The following ENPP6 variants were observed in gnomAD, a reference collection of about 807,000 sequenced individuals.
The protein encoded by ENPP6 is ectonucleotide pyrophosphatase/phosphodiesterase 6, also known as glycerophosphocholine cholinephosphodiesterase ENPP6.
ENPP6 carries 32 observed loss-of-function variants against 42.0 expected under a neutral mutation model. That is an observed-to-expected ratio of 0.76 (90% CI 0.58 to 1.02). The LOEUF is 1.02. Ranked by LOEUF, ENPP6 falls within the 50% of genes least tolerant of loss-of-function variation. The pLI is 0.00. For missense variants in ENPP6, 552 were observed against 566.8 expected (o/e 0.97, Z 0.27); for synonymous variants, 213 against 216.0 (o/e 0.99, Z 0.12).
At chr4:184,206,732 T>G (rs898385632) in intron 1 of ENPP6, among the ~76,000 whole-genome samples, 6 of 152,214 alleles carry the variant, frequency 3.9e-5, no homozygotes, top group Admixed American at 6.5e-5. Context: ...GAACATGATA[T>G]CTAGTAAGAA....
intron 1 of ENPP6, among the ~76,000 whole-genome samples, chr4:184,205,664 C>T (rs963672801): frequency 2.0e-5 from 3 of 152,158 alleles, no homozygotes; most frequent in Non-Finnish European, 2.9e-5. Context: ...GCACTGCTTT[C>T]AAAACAGGGC....
At chr4:184,092,026 C>T (rs542243275) in intron 7 of ENPP6, among the ~76,000 whole-genome samples, 1 of 152,328 alleles carries the variant, frequency 6.6e-6, no homozygotes, top group Non-Finnish European at 1.5e-5. Flanking sequence ...GCAGAGAGCA[C>T]AGCAGAGCCT....
Position 184,153,727 on chromosome 4 carries a change from T to TG in ENPP6, c.247dup (p.His83ProfsTer3). ...CCCGATCATCTGATGGACTTCACAA[T>TG]GGCGGCCTATGTCAATGAGAACACA... On this transcript the variant is annotated frameshift_variant, in exon 2 of 8. Coordinates refer to ENST00000296741, the MANE Select transcript of ENPP6 (RefSeq NM_153343.4). LOFTEE classifies it high-confidence loss of function. 1 of 1,613,918 alleles carries TG rather than the reference T, an allele frequency of 6.2e-7. No homozygotes were observed. The highest frequency in any genetic ancestry group is 1.1e-5 in the South Asian group (1 of 91,020).
intron 6 of ENPP6, among the ~76,000 whole-genome samples, chr4:184,098,163 G>C (rs1446484669): frequency 1.3e-5 from 2 of 152,208 alleles, no homozygotes; most frequent in Non-Finnish European, 2.9e-5. Context: ...GTCCTAGTGA[G>C]TGATCAAACC....
intron 1 of ENPP6, chr4:184,203,863 T>C (rs568169455): frequency 6.6e-6 from 1 of 152,368 alleles, no homozygotes; most frequent in South Asian, 2.1e-4. Flanking sequence ...AAAAAAACCC[T>C]GCATTTTTCC....
intron 6 of ENPP6, among the ~76,000 whole-genome samples, chr4:184,105,711 A>G (rs147577817): frequency 3.5e-4 from 53 of 152,364 alleles, no homozygotes; most frequent in African/African-American, 1.2e-3. Context: ...TCTGCAAAAT[A>G]TAAAATAACT....
intron 6 of ENPP6, among the ~76,000 whole-genome samples, chr4:184,108,139 C>G (rs1736134523): frequency 6.6e-6 from 1 of 152,076 alleles, no homozygotes; most frequent in African/African-American, 2.4e-5. Flanking sequence ...CGGCTACAGG[C>G]AGAAAGGAGT....
intron 6 of ENPP6, among the ~76,000 whole-genome samples, chr4:184,107,945 GTCTTTA>G (rs1450305741): frequency 6.6e-6 from 1 of 151,294 alleles, no homozygotes; most frequent in Non-Finnish European, 1.5e-5. Flanking sequence ...ATCTGTTTCT[GTCTTTA>G]TCTTTTTCAG....
chr4:184,142,259 C>T (rs773647510), intron 2 of ENPP6, among the ~76,000 whole-genome samples: 24 of 152,254 alleles, frequency 1.6e-4, no homozygotes, highest in Non-Finnish European at 2.9e-4. Flanking sequence ...CCAACTTTGA[C>T]ACATCTTGTA....
chr4:184,154,760 A>G (rs1164343085), intron 1 of ENPP6, among the ~76,000 whole-genome samples: 3 of 152,240 alleles, frequency 2.0e-5, no homozygotes, highest in Non-Finnish European at 4.4e-5. Flanking sequence ...CCCAGCAAAA[A>G]TGGTTTTCAC....
chr4:184,158,815 CT>C (rs1737215956), intron 1 of ENPP6, among the ~76,000 whole-genome samples: 1 of 152,108 alleles, frequency 6.6e-6, no homozygotes, highest in African/African-American at 2.4e-5. Context: ...CAACTGCATC[CT>C]TTTTTTCACA....
chr4:184,185,058 C>A (rs546633845), intron 1 of ENPP6, among the ~76,000 whole-genome samples: 1 of 152,066 alleles, frequency 6.6e-6, no homozygotes, highest in Non-Finnish European at 1.5e-5. Flanking sequence ...TTTTCTGAAC[C>A]GATGAATTGT....
intron 1 of ENPP6, among the ~76,000 whole-genome samples, chr4:184,157,539 C>CCTTTCTTTCCTTTCTCT (rs1474032253): frequency 6.8e-6 from 1 of 146,846 alleles, no homozygotes; most frequent in African/African-American, 2.5e-5. Context: ...TTCTCTCTCT[C>CCTTTCTTTCCTTTCTCT]CTTTCTTTCC....
chr4:184,172,011 G>A (rs1195339403), intron 1 of ENPP6, among the ~76,000 whole-genome samples: 4 of 152,144 alleles, frequency 2.6e-5, no homozygotes, highest in Admixed American at 6.5e-5. Flanking sequence ...TTGGCTAGGC[G>A]GCCGGGAGGG....
chr4:184,159,876 C>T (rs1171534647), intron 1 of ENPP6, among the ~76,000 whole-genome samples: 1 of 152,196 alleles, frequency 6.6e-6, no homozygotes, highest in Non-Finnish European at 1.5e-5. Context: ...TAGCTTAGCT[C>T]CCACTTATAA....
At chr4:184,095,788 T>G (rs972796582) in intron 7 of ENPP6, among the ~76,000 whole-genome samples, 3 of 152,048 alleles carry the variant, frequency 2.0e-5, no homozygotes, top group Non-Finnish European at 4.4e-5. Flanking sequence ...GAGGGTGCCA[T>G]GCTTTTGAAT....
At chr4:184,155,403 T>C (rs1304353395) in intron 1 of ENPP6, among the ~76,000 whole-genome samples, 1 of 152,220 alleles carries the variant, frequency 6.6e-6, no homozygotes, top group Admixed American at 6.5e-5. Flanking sequence ...GCCTCCTTCG[T>C]GGACAGTCTT....
At chr4:184,162,414 CAA>C (rs756854755) in intron 1 of ENPP6, among the ~76,000 whole-genome samples, 9 of 152,088 alleles carry the variant, frequency 5.9e-5, no homozygotes, top group Non-Finnish European at 1.3e-4. Flanking sequence ...GCTTTTTCTA[CAA>C]AGACAACTTC....
At chr4:184,150,024 G>A (rs1216910803) in intron 2 of ENPP6, among the ~76,000 whole-genome samples, 1 of 152,164 alleles carries the variant, frequency 6.6e-6, no homozygotes, top group Non-Finnish European at 1.5e-5. Flanking sequence ...GATTAAGTGA[G>A]TGAACAACAC....
Sources: gnomAD v4.1 joint callset for allele counts (sites outside exome capture counted in the v4.1 genomes callset) on GRCh38, gnomAD v4.1.1 for gene constraint, MANE v1.5 for transcripts, NCBI Gene and HGNC (gene_info 2026-07-23, HGNC 2026-07-21) for gene names.